ADGRE1: variants seen among roughly 807,000 people sequenced by gnomAD.
ADGRE1 encodes EGF-like module receptor 1.
ADGRE1 carries 82 observed loss-of-function variants against 102.7 expected under a neutral mutation model. The observed-to-expected ratio is 0.80, with a 90% CI of 0.67 to 0.96. The LOEUF (loss-of-function observed/expected upper bound fraction) is 0.96, where lower values mean the gene tolerates loss of function less well. Ranked by LOEUF, ADGRE1 falls within the 40% of genes least tolerant of loss-of-function variation. The probability of loss-of-function intolerance (pLI) is 0.00; values close to 1 mark genes in which losing one functional copy is unlikely to be tolerated. For missense variants in ADGRE1, 1,032 were observed against 1,085.3 expected, an observed-to-expected ratio of 0.95 and a Z score of 0.69; for synonymous variants, 398 against 399.6, an observed-to-expected ratio of 1.00 and a Z score of 0.05.
intron 17 of ADGRE1, among the ~76,000 whole-genome samples, chr19:6,930,772 G>A (rs1271674226): frequency 6.6e-6 from 1 of 152,078 alleles, no homozygotes; most frequent in East Asian, 1.9e-4. Context: ...CGAGTAGCTG[G>A]GATTACAGGT....
In ADGRE1 at chr19:6,926,515, C is replaced by T; in HGVS notation, c.2136C>T (p.His712=). 6.2e-7 allele frequency: 1 copy of T among 1,614,238 alleles called. No homozygotes were observed. Residue 712 remains histidine (H), a synonymous_variant, in exon 16 of 21, where the codon CAC becomes CAT. Coordinates refer to ENST00000312053, the MANE Select transcript of ADGRE1 (RefSeq NM_001974.5). ...YFSSRNIKML[H]ICAFGYGLPM... The stretch of plus-strand genomic sequence containing the variant: ...GCTCTCGCAACATCAAGATGCTGCA[C>T]ATCTGTGCCTTTGGTTATGGGCTGC...
rs330880 is a variant in ADGRE1, at chr19:6,897,453, C to T, written c.420C>T (p.Ser140=). The T allele has an allele frequency of 7.5e-6, 12 of 1,598,506 alleles. No individual in the cohort carries two copies. The highest frequency in any genetic ancestry group is 4.5e-5 in the South Asian group (4 of 88,608). Residue 140 remains serine, a synonymous_variant, in exon 5 of 21, where the codon AGC becomes AGT. Transcript: ENST00000312053. ...CTDINECLTS[S]VCPEHSDCVN... The stretch of plus-strand genomic sequence containing the variant: ...ATATCAATGAGTGCCTCACCAGCAG[C>T]GTCTGCCCTGAGCATTCTGACTGTG...
At chr19:6,891,916 C>A (rs1338264473) in intron 2 of ADGRE1, among the ~76,000 whole-genome samples, 1 of 151,844 alleles carries the variant, frequency 6.6e-6, no homozygotes, top group Non-Finnish European at 1.5e-5. Flanking sequence ...TGCAAAGGTC[C>A]TGAGGTTGGA....
At chr19:6,904,494 T>A (rs994762980) in intron 8 of ADGRE1, among the ~76,000 whole-genome samples, 2 of 151,576 alleles carry the variant, frequency 1.3e-5, no homozygotes, top group Non-Finnish European at 2.9e-5. Context: ...TATTTAATTA[T>A]AACTATGAAT....
intron 17 of ADGRE1, among the ~76,000 whole-genome samples, chr19:6,933,922 G>GATA (rs71177131): frequency 0.28 from 42,665 of 151,714 alleles, 6,778 homozygotes; most frequent in African/African-American, 0.44. Context: ...GGCTTTAGAA[G>GATA]ATAAACTCAA....
At chr19:6,926,850 T>G (rs16993984) in intron 16 of ADGRE1, among the ~76,000 whole-genome samples, 4,722 of 152,164 alleles carry the variant, frequency 0.031, 209 homozygotes, top group African/African-American at 0.099. Context: ...CCTAACTTGA[T>G]TATTTTCCTT....
At chr19:6,889,101 G>GTGATGATGGTGATGA (rs1372963617) in intron 1 of ADGRE1, among the ~76,000 whole-genome samples, 3 of 151,836 alleles carry the variant, frequency 2.0e-5, no homozygotes, top group Admixed American at 6.6e-5. Flanking sequence ...CATGAAGATG[G>GTGATGATGGTGATGA]TGATGATGGT....
chr19:6,940,212 C>T lies in ADGRE1; in HGVS notation c.*183C>T. 1.5e-6 allele frequency: 1 copy of T among 665,184 alleles called. No individual in the cohort carries two copies. Among genetic ancestry groups the T allele is most frequent in the South Asian group, 1.9e-5 (1 of 53,104 alleles). 41.2% of individuals were successfully genotyped at this position (665,184 alleles called of 1,614,324 possible). On this transcript the variant is annotated 3_prime_UTR_variant, in exon 21 of 21. Coordinates refer to ENST00000312053, the MANE Select transcript of ADGRE1 (RefSeq NM_001974.5). ...GTGGTTGTATGCACTGATGAGAAATCAGGCGTTTCTGCTCCAAACGACCAT... is the reference window on the plus strand; with the variant it reads ...GTGGTTGTATGCACTGATGAGAAATTAGGCGTTTCTGCTCCAAACGACCAT...
intron 10 of ADGRE1, among the ~76,000 whole-genome samples, chr19:6,913,351 T>C (rs1974266215): frequency 6.6e-6 from 1 of 152,008 alleles, no homozygotes; most frequent in African/African-American, 2.4e-5. Flanking sequence ...GCTAAATTTT[T>C]TTGTATTTTT....
intron 10 of ADGRE1, among the ~76,000 whole-genome samples, chr19:6,910,043 T>G (rs1974115886): frequency 6.6e-6 from 1 of 152,152 alleles, no homozygotes; most frequent in Non-Finnish European, 1.5e-5. Flanking sequence ...CAAAAGCTAG[T>G]TTTTCTTAAG....
intron 6 of ADGRE1, among the ~76,000 whole-genome samples, chr19:6,902,238 A>G (rs1208042825): frequency 6.6e-6 from 1 of 152,156 alleles, no homozygotes; most frequent in Non-Finnish European, 1.5e-5. Context: ...TAACATCTCC[A>G]AATAACATCC....
intron 13 of ADGRE1, among the ~76,000 whole-genome samples, chr19:6,920,895 C>T (rs1399224674): frequency 2.0e-5 from 3 of 152,144 alleles, no homozygotes; most frequent in Non-Finnish European, 4.4e-5. Context: ...GATTTTTTCT[C>T]CCACTGCACT....
chr19:6,897,753 G>A lies in ADGRE1; in HGVS notation c.514+206G>A, dbSNP rs534816242. On this transcript the variant is annotated intron_variant, in intron 5 of 20. Transcript: ENST00000312053. Reference sequence around the variant, plus strand: ...TTACATGCTAGGTAGGTCTCTTGTAGCCAGCACATGGTTGGGTCTTTTTAA... The same window carrying A: ...TTACATGCTAGGTAGGTCTCTTGTAACCAGCACATGGTTGGGTCTTTTTAA... 103 of 408,576 alleles carry A rather than the reference G, an allele frequency of 2.5e-4. No homozygotes were observed. The East Asian group carries it at 4.8e-3, about 19-fold the overall frequency. 25.3% of individuals were successfully genotyped at this position (408,576 alleles called of 1,614,324 possible). A position where few individuals can be genotyped will look rare whatever the true frequency, so the allele number is the denominator to read the frequency against.
intron 10 of ADGRE1, among the ~76,000 whole-genome samples, chr19:6,911,853 T>G (rs1599736858): frequency 6.9e-6 from 1 of 144,682 alleles, no homozygotes; most frequent in African/African-American, 2.6e-5. Context: ...CCACACACAT[T>G]TACACACATA....
chr19:6,921,044 G>T (rs1222365773), intron 13 of ADGRE1, among the ~76,000 whole-genome samples: 1 of 152,128 alleles, frequency 6.6e-6, no homozygotes, highest in Non-Finnish European at 1.5e-5. Context: ...CCAGCACTTT[G>T]GGAGGTCTAT....
At chr19:6,896,723 T>A in intron 3 of ADGRE1, 182 bp downstream of exon 3, 1 of 656,298 alleles carries the variant, frequency 1.5e-6, no homozygotes, top group South Asian at 2.3e-5. Flanking sequence ...GTGGGGGTGT[T>A]GTTACTGTCA....
At chr19:6,921,365 C>T (rs574360331) in intron 13 of ADGRE1, among the ~76,000 whole-genome samples, 36 of 152,066 alleles carry the variant, frequency 2.4e-4, no homozygotes, top group Middle Eastern at 3.4e-3. Flanking sequence ...GAGGTTGCAG[C>T]GAGCCGAGAC....
intron 12 of ADGRE1, among the ~76,000 whole-genome samples, chr19:6,918,338 G>A (rs1478186529): frequency 2.0e-5 from 3 of 152,078 alleles, no homozygotes; most frequent in Admixed American, 1.3e-4. Flanking sequence ...CTACTCGGGA[G>A]GCTGAGGCAG....
Position 6,906,437 on chromosome 19 carries a change from T to G in ADGRE1, c.954T>G (p.Val318=). The change falls in exon 9 of 21, where the codon GTT becomes GTG. Residue 318 remains valine (V), a synonymous_variant. Coordinates refer to ENST00000312053, the MANE Select transcript of ADGRE1 (RefSeq NM_001974.5). ...QKDGNFSCQR[V]LFKCKEDVIP... is the part of the protein sequence containing the mutation. Reference sequence around the variant, plus strand: ...TTGCTGTTGTTTTCTTCCTAGGGGTTCTCTTCAAATGTAAGGAAGATGTGA... The same window carrying G: ...TTGCTGTTGTTTTCTTCCTAGGGGTGCTCTTCAAATGTAAGGAAGATGTGA... 6.2e-7 allele frequency: 1 copy of G among 1,612,004 alleles called. No individual in the cohort carries two copies. The highest frequency in any genetic ancestry group is 8.5e-7 in the Non-Finnish European group (1 of 1,178,612).
Sources: gnomAD v4.1 joint callset for allele counts (sites outside exome capture counted in the v4.1 genomes callset) on GRCh38, gnomAD v4.1.1 for gene constraint, MANE v1.5 for transcripts, NCBI Gene and HGNC (gene_info 2026-07-23, HGNC 2026-07-21) for gene names.